Variants in CFAP47 observed in about 807,000 individuals in gnomAD.
The protein encoded by CFAP47 is cilia and flagella associated protein 47.
CFAP47 carries 29 observed loss-of-function variants against 148.1 expected under a neutral mutation model. That is an observed-to-expected ratio of 0.20 (90% CI 0.15 to 0.27). CFAP47 has a LOEUF of 0.27. Among genes scored for constraint, CFAP47 ranks in the 10% least tolerant of loss-of-function variants. The pLI is 1.00. For missense variants in CFAP47, 1,872 were observed against 1,697.5 expected, an observed-to-expected ratio of 1.10 and a Z score of -1.81; for synonymous variants, 664 against 577.3, an observed-to-expected ratio of 1.15 and a Z score of -2.15.
intron 46 of CFAP47, among the ~76,000 whole-genome samples, chrX:36,229,612 AT>A (rs1467075483): frequency 4.5e-5 from 5 of 110,261 alleles, no homozygotes; most frequent in Admixed American, 9.7e-5. Context: ...TTCTTTTTTT[AT>A]TTTATTATTA....
intron 45 of CFAP47, among the ~76,000 whole-genome samples, chrX:36,210,675 A>G (rs1335511196): frequency 1.8e-5 from 2 of 112,071 alleles, no homozygotes; most frequent in Non-Finnish European, 3.8e-5. Context: ...CTCTCTTGAT[A>G]GTATCCTTTG....
At chrX:36,372,102 G>A (rs1435501415) in intron 62 of CFAP47, among the ~76,000 whole-genome samples, 1 of 107,201 alleles carries the variant, frequency 9.3e-6, no homozygotes, top group South Asian at 4.1e-4. Flanking sequence ...AGTGAATCAT[G>A]CTGCCCACAT....
chrX:36,011,489 C>T (rs747044919), intron 21 of CFAP47, among the ~76,000 whole-genome samples: 57 of 111,746 alleles, frequency 5.1e-4, no homozygotes, highest in African/African-American at 1.8e-3. Flanking sequence ...CTTTAGGTAG[C>T]GTTTGCATGT....
chrX:36,169,053 T>C (rs1939531744), intron 39 of CFAP47, among the ~76,000 whole-genome samples: 1 of 111,552 alleles, frequency 9.0e-6, no homozygotes, highest in African/African-American at 3.2e-5. Flanking sequence ...TACATTGTAC[T>C]TCATCAACTC....
chrX:36,203,193 G>A (rs1940001631), intron 44 of CFAP47, among the ~76,000 whole-genome samples: 1 of 111,271 alleles, frequency 9.0e-6, no homozygotes. Flanking sequence ...GAAGTTGATG[G>A]TTTTCTTTAG....
chrX:36,167,660 A>G (rs1939508713), intron 39 of CFAP47, among the ~76,000 whole-genome samples: 1 of 111,123 alleles, frequency 9.0e-6, no homozygotes, highest in East Asian at 2.8e-4. Context: ...GCCTCCCAGA[A>G]ACATAGGCCT....
intron 33 of CFAP47, among the ~76,000 whole-genome samples, chrX:36,130,983 A>T (rs1221239320): frequency 9.0e-6 from 1 of 110,523 alleles, no homozygotes; most frequent in Non-Finnish European, 1.9e-5. Flanking sequence ...AAAAAAGAAT[A>T]GTTAGAAAGA....
chrX:35,957,642 G>T lies in CFAP47; in HGVS notation c.1410+1446G>T, dbSNP rs765170369. 3.3e-3 allele frequency among the ~76,000 whole-genome samples: 365 copies of T among 111,629 alleles called. 4 individuals are homozygous for T. The highest frequency in any genetic ancestry group is 0.012 in the African/African-American group (359 of 30,756). ...GTAGTCCAAGTCTCTTAAACCTACC[G>T]ACTCAATTATTTTTCTCCAGTAACA... On this transcript the variant is annotated intron_variant, in intron 8 of 63. Transcript: ENST00000378653.
intron 57 of CFAP47, among the ~76,000 whole-genome samples, chrX:36,342,955 C>A (rs1312252541): frequency 9.0e-6 from 1 of 110,951 alleles, no homozygotes; most frequent in African/African-American, 3.3e-5. Flanking sequence ...AATGATCTCC[C>A]TCTCCTTTTC....
chrX:36,096,333 G>C (rs1432455558), intron 30 of CFAP47, among the ~76,000 whole-genome samples: 2 of 111,315 alleles, frequency 1.8e-5, no homozygotes, highest in African/African-American at 6.5e-5. Context: ...ATAGCCATTA[G>C]ATGAAAACTT....
At chrX:36,306,907 G>C (rs920704559) in intron 55 of CFAP47, 31 bp downstream of exon 55, 5 of 734,705 alleles carry the variant, frequency 6.8e-6, no homozygotes, top group Admixed American at 4.2e-5. Flanking sequence ...ACCAAACCAA[G>C]TTAATTAAAT....
chrX:36,001,349 C>T (rs779410438), intron 20 of CFAP47, among the ~76,000 whole-genome samples: 2 of 111,424 alleles, frequency 1.8e-5, no homozygotes, highest in Non-Finnish European at 3.8e-5. Flanking sequence ...AATTACTTGA[C>T]CTTGCCCTTT....
intron 45 of CFAP47, among the ~76,000 whole-genome samples, chrX:36,221,604 G>T (rs1389695855): frequency 1.8e-5 from 2 of 111,027 alleles, no homozygotes; most frequent in African/African-American, 6.5e-5. Context: ...AAACTAAAAT[G>T]TAGCTTTATA....
intron 23 of CFAP47, among the ~76,000 whole-genome samples, chrX:36,033,523 T>A (rs192858059): frequency 2.7e-5 from 3 of 111,717 alleles, no homozygotes; most frequent in African/African-American, 9.7e-5. Context: ...ATGACAAAAA[T>A]TAAGCTTCAA....
intron 49 of CFAP47, among the ~76,000 whole-genome samples, chrX:36,255,339 G>A (rs926741713): frequency 1.4e-4 from 16 of 112,456 alleles, no homozygotes; most frequent in Non-Finnish European, 1.7e-4. Flanking sequence ...GGAAAAAAAG[G>A]TAAGAAAGTA....
At chrX:36,207,761 G>T in intron 45 of CFAP47, among the ~76,000 whole-genome samples, 1 of 110,903 alleles carries the variant, frequency 9.0e-6, no homozygotes, top group East Asian at 2.9e-4. Context: ...TTCTACCTGT[G>T]GTTCCTGGGA....
At chrX:36,132,769 C>A (rs1181149588) in intron 33 of CFAP47, among the ~76,000 whole-genome samples, 1 of 111,700 alleles carries the variant, frequency 9.0e-6, no homozygotes, top group Admixed American at 9.5e-5. Flanking sequence ...TACTGAGAGC[C>A]TTGTTTGAAC....
intron 2 of CFAP47, among the ~76,000 whole-genome samples, chrX:35,931,147 A>T (rs982602034): frequency 4.5e-5 from 5 of 110,628 alleles, no homozygotes; most frequent in African/African-American, 1.6e-4. Context: ...TATGTATTTA[A>T]TTTTTTTTAA....
intron 15 of CFAP47, among the ~76,000 whole-genome samples, chrX:35,983,457 T>C (rs1936673163): frequency 8.9e-6 from 1 of 111,900 alleles, no homozygotes; most frequent in African/African-American, 3.2e-5. Context: ...TCTTGCTTGA[T>C]TGCTCTGGCT....
Sources: gnomAD v4.1 joint callset for allele counts (sites outside exome capture counted in the v4.1 genomes callset) on GRCh38, gnomAD v4.1.1 for gene constraint, MANE v1.5 for transcripts, NCBI Gene and HGNC (gene_info 2026-07-23, HGNC 2026-07-21) for gene names.